Variants in FBXO42 observed in about 807,000 individuals in gnomAD.
FBXO42 encodes F-box only protein 42.
In FBXO42, 12 loss-of-function variants were observed where a neutral mutation model predicts 71.7. The ratio of observed to expected loss-of-function variants is 0.17; its 90% CI spans 0.11 to 0.27. The LOEUF is 0.27. Among genes scored for constraint, FBXO42 ranks in the 10% least tolerant of loss-of-function variants. FBXO42 has a pLI of 1.00. For synonymous variants in FBXO42, 325 were observed against 327.5 expected (o/e 0.99, Z 0.08); for missense variants, 707 against 911.9 (o/e 0.78, Z 2.89).
At chr1:16,278,898 C>T (rs113610610) in intron 4 of FBXO42, among the ~76,000 whole-genome samples, 1 of 152,150 alleles carries the variant, frequency 6.6e-6, no homozygotes, top group East Asian at 1.9e-4. Context: ...CCTGCCTCAG[C>T]CTCCCGAGCA....
At chr1:16,255,185 A>C (rs928778046) in intron 6 of FBXO42, among the ~76,000 whole-genome samples, 3 of 152,244 alleles carry the variant, frequency 2.0e-5, no homozygotes, top group African/African-American at 7.2e-5. Flanking sequence ...GAATAGAACC[A>C]TATGTCAAAG....
At chr1:16,313,613 C>T (rs1569907777) in intron 2 of FBXO42, among the ~76,000 whole-genome samples, 1 of 152,300 alleles carries the variant, frequency 6.6e-6, no homozygotes, top group East Asian at 1.9e-4. Flanking sequence ...GCCAACAGAG[C>T]AGTTTCAATA....
chr1:16,314,553 G>A (rs1400558017), intron 2 of FBXO42, among the ~76,000 whole-genome samples: 3 of 152,284 alleles, frequency 2.0e-5, no homozygotes, highest in East Asian at 3.9e-4. Context: ...TGCTTGACAC[G>A]TGATAAAAGC....
intron 4 of FBXO42, among the ~76,000 whole-genome samples, chr1:16,284,657 C>G (rs983058013): frequency 6.6e-6 from 1 of 152,034 alleles, no homozygotes. Context: ...TAGTGAAACC[C>G]CATCTCTACT....
intron 4 of FBXO42, 135 bp downstream of exon 4, chr1:16,294,648 A>G: frequency 1.2e-6 from 1 of 814,180 alleles, no homozygotes; most frequent in Non-Finnish European, 1.9e-6. Flanking sequence ...ATTATCATTT[A>G]CATGGCACAT....
chr1:16,250,820 ACTG>A lies in FBXO42; in HGVS notation c.2001_2003del (p.Ser669del). ...TGGTTTCAGGAGGTCCAACCACAGA[ACTG>A]CTATTAAATACTTTCCATTTGACCC... On this transcript the variant is annotated inframe_deletion, in exon 10 of 10. Transcript: ENST00000375592. The surrounding 1 kb of genome is among the most constrained non-coding windows in gnomAD (Gnocchi z 4.7). 1 of 1,614,112 alleles carries A rather than the reference ACTG, an allele frequency of 6.2e-7. No homozygotes were observed. Among genetic ancestry groups the A allele is most frequent in the Non-Finnish European group, 8.5e-7 (1 of 1,180,034 alleles).
At chr1:16,271,790 A>G (rs61769824) in intron 4 of FBXO42, among the ~76,000 whole-genome samples, 41,407 of 151,466 alleles carry the variant, frequency 0.27, 6,542 homozygotes, top group Non-Finnish European at 0.37. Context: ...AGGATTAGGA[A>G]CTCCTGTTAC....
chr1:16,318,190 G>A (rs1412013036), intron 1 of FBXO42, among the ~76,000 whole-genome samples: 6 of 152,248 alleles, frequency 3.9e-5, no homozygotes, highest in East Asian at 3.9e-4. Context: ...AGGCCTAGGC[G>A]GGTGGATCAC....
intron 1 of FBXO42, 122 bp downstream of exon 1, chr1:16,352,133 C>T: frequency 2.6e-6 from 1 of 385,058 alleles, no homozygotes; most frequent in East Asian, 3.7e-5. Flanking sequence ...AGGACCGACC[C>T]CCGCGTGGGA....
intron 4 of FBXO42, among the ~76,000 whole-genome samples, chr1:16,269,388 C>CT (rs144354564): frequency 0.029 from 4,043 of 139,986 alleles, 170 homozygotes; most frequent in African/African-American, 0.093. Flanking sequence ...CGAACCCAGA[C>CT]TTTTTTTTTT....
chr1:16,261,174 G>C (rs977739397), intron 4 of FBXO42, among the ~76,000 whole-genome samples: 1 of 152,184 alleles, frequency 6.6e-6, no homozygotes, highest in Admixed American at 6.5e-5. Context: ...GACCTAGTCA[G>C]AGAGAAGTAA....
chr1:16,268,061 G>T (rs893581048), intron 4 of FBXO42, among the ~76,000 whole-genome samples: 2 of 152,012 alleles, frequency 1.3e-5, no homozygotes, highest in Non-Finnish European at 1.5e-5. Context: ...AATTTCTGAG[G>T]GAGGAGAGGA....
At chr1:16,280,436 A>G (rs2081950948) in intron 4 of FBXO42, among the ~76,000 whole-genome samples, 2 of 152,272 alleles carry the variant, frequency 1.3e-5, no homozygotes, top group South Asian at 4.1e-4. Flanking sequence ...GAAAGAAATC[A>G]GAAAATCTGA....
intron 4 of FBXO42, among the ~76,000 whole-genome samples, chr1:16,281,751 G>T (rs922320846): frequency 6.6e-6 from 1 of 151,406 alleles, no homozygotes; most frequent in Non-Finnish European, 1.5e-5. Context: ...CCACCTCCCG[G>T]GTTCAAGCGA....
chr1:16,253,827 A>G, intron 6 of FBXO42, 96 bp from the exon 7 acceptor site: 1 of 1,075,346 alleles, frequency 9.3e-7, no homozygotes, highest in Non-Finnish European at 1.4e-6. Context: ...CCATCTGGCA[A>G]ACTTGCACCA....
At chr1:16,339,945 C>A (rs1258212405) in intron 1 of FBXO42, among the ~76,000 whole-genome samples, 1 of 151,750 alleles carries the variant, frequency 6.6e-6, no homozygotes, top group Non-Finnish European at 1.5e-5. Context: ...AAAGCAAGAC[C>A]CTGTCTCAAG....
At chr1:16,287,930 C>A (rs930828237) in intron 4 of FBXO42, among the ~76,000 whole-genome samples, 1 of 151,886 alleles carries the variant, frequency 6.6e-6, no homozygotes, top group Non-Finnish European at 1.5e-5. Context: ...CGTGATGAAA[C>A]CCTGTCTCTA....
chr1:16,290,166 C>G (rs2082063349), intron 4 of FBXO42, among the ~76,000 whole-genome samples: 1 of 152,144 alleles, frequency 6.6e-6, no homozygotes, highest in Non-Finnish European at 1.5e-5. Flanking sequence ...CCTCCAATAC[C>G]ACTCTTCCTC....
At chr1:16,318,285 G>A (rs1050460111) in intron 1 of FBXO42, among the ~76,000 whole-genome samples, 1 of 152,092 alleles carries the variant, frequency 6.6e-6, no homozygotes, top group African/African-American at 2.4e-5. Flanking sequence ...GGGTGTGGTG[G>A]CACACACCTG....
Sources: gnomAD v4.1 joint callset for allele counts (sites outside exome capture counted in the v4.1 genomes callset) on GRCh38, gnomAD v4.1.1 for gene constraint, Gnocchi (gnomAD v3.1) non-coding constraint, MANE v1.5 for transcripts, NCBI Gene and HGNC (gene_info 2026-07-23, HGNC 2026-07-21) for gene names.